The following NDST3 variants were observed in gnomAD, a reference collection of about 807,000 sequenced individuals.
The protein encoded by NDST3 is bifunctional heparan sulfate N-deacetylase/N-sulfotransferase 3.
Under a neutral mutation model 96.1 loss-of-function variants are expected in NDST3, and 58 were observed. The observed-to-expected ratio is 0.60, with a 90% CI of 0.49 to 0.75. The LOEUF (loss-of-function observed/expected upper bound fraction) is 0.75. Ranked by LOEUF, NDST3 falls within the 30% of genes least tolerant of loss-of-function variation. NDST3 has a pLI of 0.00. For synonymous variants in NDST3, 333 were observed against 359.7 expected (o/e 0.93, Z 0.84); for missense variants, 788 against 1,034.2 (o/e 0.76, Z 3.27).
chr4:118,126,985 A>G (rs144778861), intron 4 of NDST3, among the ~76,000 whole-genome samples: 38 of 151,964 alleles, frequency 2.5e-4, no homozygotes, highest in Non-Finnish European at 5.0e-4. Flanking sequence ...TGCCATTTGT[A>G]TGTATTCTTT....
At chr4:118,193,983 G>T in intron 6 of NDST3, 1 of 1,050,028 alleles carries the variant, frequency 9.5e-7, no homozygotes, top group Non-Finnish European at 1.5e-6. Flanking sequence ...CTCTGCTCCA[G>T]CTTCTCTTCT....
chr4:118,083,456 A>G (rs1470791517), intron 2 of NDST3, among the ~76,000 whole-genome samples: 1 of 152,154 alleles, frequency 6.6e-6, no homozygotes, highest in Non-Finnish European at 1.5e-5. Flanking sequence ...GTATTCATTA[A>G]GTGTTCATTT....
chr4:118,194,434 G>T (rs745687666), intron 6 of NDST3: 4 of 735,054 alleles, frequency 5.4e-6, no homozygotes, highest in Non-Finnish European at 1.0e-5. Flanking sequence ...ATTCTGGTTT[G>T]CAGGTGATAT....
intron 6 of NDST3, among the ~76,000 whole-genome samples, chr4:118,143,950 C>A (rs1733755304): frequency 6.6e-6 from 1 of 152,108 alleles, no homozygotes; most frequent in Admixed American, 6.5e-5. Context: ...CAGAAGCTTT[C>A]ATGGGGAATA....
intron 4 of NDST3, among the ~76,000 whole-genome samples, chr4:118,126,074 T>C (rs1732035794): frequency 6.6e-6 from 1 of 152,052 alleles, no homozygotes; most frequent in African/African-American, 2.4e-5. Context: ...TCTTATAAGC[T>C]GAATTGTGGT....
In NDST3 at chr4:118,193,964, A is replaced by T. The variant is rs891752046; in HGVS notation, c.1540-30527A>T. On this transcript the variant is annotated intron_variant, in intron 6 of 13. Coordinates refer to ENST00000296499, the MANE Select transcript of NDST3 (RefSeq NM_004784.3). ...GAAGTACACAGTGTCCCACTCTTTC[A>T]CTGTGGTGCTCTGCTCCAGCTTCTC... The T allele has an allele frequency of 8.5e-5, 83 of 971,904 alleles. No homozygotes were observed. The Middle Eastern group carries it at 9.4e-4, about 11-fold the overall frequency. The allele number at this position is 971,904 out of a possible 1,614,324, so 60.2% of individuals were successfully genotyped here. A position where few individuals can be genotyped will look rare whatever the true frequency, so the allele number is the denominator to read the frequency against.
chr4:118,157,545 C>G (rs1362662416), intron 6 of NDST3, among the ~76,000 whole-genome samples: 1 of 151,820 alleles, frequency 6.6e-6, no homozygotes, highest in Non-Finnish European at 1.5e-5. Flanking sequence ...GCCTCAGCCT[C>G]CCGAGTAGTT....
chr4:118,088,789 T>C (rs974228619), intron 2 of NDST3, among the ~76,000 whole-genome samples: 7 of 152,026 alleles, frequency 4.6e-5, no homozygotes, highest in African/African-American at 1.7e-4. Context: ...ACAAGACGGA[T>C]AGTAACTTTC....
chr4:118,169,149 A>G (rs1478179196), intron 6 of NDST3, among the ~76,000 whole-genome samples: 1 of 141,718 alleles, frequency 7.1e-6, no homozygotes, highest in Non-Finnish European at 1.5e-5. Flanking sequence ...AGAAAAAAAG[A>G]AAGAACTTTT....
chr4:118,144,934 T>C (rs796235592), intron 6 of NDST3, among the ~76,000 whole-genome samples: 7 of 152,264 alleles, frequency 4.6e-5, no homozygotes, highest in Admixed American at 2.0e-4. Flanking sequence ...ACCTATGTTT[T>C]AACTCCTAGA....
chr4:118,098,592 T>C (rs762511535), intron 2 of NDST3, among the ~76,000 whole-genome samples: 2 of 152,178 alleles, frequency 1.3e-5, no homozygotes, highest in Admixed American at 6.6e-5. Context: ...AGAGGTTATA[T>C]ATAATGTATG....
intron 1 of NDST3, among the ~76,000 whole-genome samples, chr4:118,036,512 A>G (rs1724158985): frequency 6.6e-6 from 1 of 152,178 alleles, no homozygotes; most frequent in Admixed American, 6.5e-5. Context: ...TCACACTGAA[A>G]TGCATGAACT....
intron 1 of NDST3, among the ~76,000 whole-genome samples, chr4:118,040,741 G>C (rs953985586): frequency 1.3e-5 from 2 of 151,206 alleles, no homozygotes; most frequent in Non-Finnish European, 2.9e-5. Flanking sequence ...GGAGGGCAGT[G>C]GTGTGATCAT....
chr4:118,054,533 C>G lies in NDST3; in HGVS notation c.623C>G (p.Ser208Cys), dbSNP rs1725285206. 2.5e-6 allele frequency: 4 copies of G among 1,613,224 alleles called. No homozygotes were observed. In the African/African-American group the frequency reaches 4.0e-5, roughly 16 times the overall value. Reference sequence around the variant, plus strand: ...CCATTGATTCGTGTGACCAAATCTTCCAAGCTTGAAAAAGGTTCTTTACCT... The same window carrying G: ...CCATTGATTCGTGTGACCAAATCTTGCAAGCTTGAAAAAGGTTCTTTACCT... Reference protein sequence around the residue: ...HSPLIRVTKSSKLEKGSLPGT... With the variant: ...HSPLIRVTKSCKLEKGSLPGT... Residue 208 changes from serine (S) to cysteine (C), a missense_variant, in exon 2 of 14, where the codon TCC becomes TGC. Physicochemically the swap from Ser to Cys is moderately radical, Grantham distance 112 (BLOSUM62 -1). Coordinates refer to ENST00000296499, the MANE Select transcript of NDST3 (RefSeq NM_004784.3).
intron 9 of NDST3, among the ~76,000 whole-genome samples, chr4:118,235,048 G>GGAAGGAAAGAAGGAAA (rs1740546565): frequency 7.8e-6 from 1 of 127,638 alleles, no homozygotes; most frequent in African/African-American, 2.7e-5. Context: ...GAAAAAAAAA[G>GGAAGGAAAGAAGGAAA]GAAGGAAGGA....
intron 4 of NDST3, among the ~76,000 whole-genome samples, chr4:118,116,858 A>C (rs1047283973): frequency 6.6e-6 from 1 of 151,926 alleles, no homozygotes; most frequent in Non-Finnish European, 1.5e-5. Flanking sequence ...ACTCCCTCTC[A>C]AAAAAAGAAA....
chr4:118,164,484 G>C (rs888915033), intron 6 of NDST3, among the ~76,000 whole-genome samples: 1 of 150,832 alleles, frequency 6.6e-6, no homozygotes, highest in African/African-American at 2.5e-5. Flanking sequence ...GTGTAACCCT[G>C]AATCTAAAAT....
chr4:118,216,364 TAAC>T (rs940755638), intron 6 of NDST3, among the ~76,000 whole-genome samples: 8 of 152,068 alleles, frequency 5.3e-5, no homozygotes, highest in African/African-American at 1.7e-4. Flanking sequence ...TTCTCCAAAA[TAAC>T]AATAATATAT....
intron 6 of NDST3, among the ~76,000 whole-genome samples, chr4:118,148,969 A>G (rs1734168558): frequency 6.6e-6 from 1 of 152,166 alleles, no homozygotes; most frequent in Non-Finnish European, 1.5e-5. Flanking sequence ...AGCTTTCTAC[A>G]TATGGCTAGC....
Sources: gnomAD v4.1 joint callset for allele counts (sites outside exome capture counted in the v4.1 genomes callset) on GRCh38, gnomAD v4.1.1 for gene constraint, MANE v1.5 for transcripts, NCBI Gene and HGNC (gene_info 2026-07-23, HGNC 2026-07-21) for gene names.